The following TENM2 variants were observed in gnomAD, a reference collection of about 807,000 sequenced individuals.
TENM2 encodes teneurin-2.
A neutral mutation model predicts 245.2 loss-of-function variants in TENM2; 52 were observed. The ratio of observed to expected loss-of-function variants is 0.21; its 90% confidence interval spans 0.17 to 0.27. The LOEUF is 0.27. TENM2 is among the 10% of genes least tolerant of loss of function. TENM2 has a pLI of 1.00. For synonymous variants in TENM2, 1,363 were observed against 1,438.9 expected (o/e 0.95, Z 1.19); for missense variants, 3,046 against 3,666.8 (o/e 0.83, Z 4.37).
intron 2 of TENM2, among the ~76,000 whole-genome samples, chr5:167,725,752 T>G (rs532864414): frequency 6.6e-6 from 1 of 152,302 alleles, no homozygotes; most frequent in African/African-American, 2.4e-5. Context: ...GTGCATCTGT[T>G]ACCACTTCCT....
At chr5:167,282,282 T>C (rs1276796054), upstream of TENM2, among the ~76,000 whole-genome samples, 1 of 152,214 alleles carries the variant, frequency 6.6e-6, no homozygotes. Flanking sequence ...TCAGTGTTGG[T>C]ACACAGTCTT....
At chr5:167,905,455 A>G (rs1441574188) in intron 3 of TENM2, among the ~76,000 whole-genome samples, 1 of 152,230 alleles carries the variant, frequency 6.6e-6, no homozygotes, top group Non-Finnish European at 1.5e-5. Context: ...GCACGCTGTC[A>G]GTAGCTGGGC....
the TENM2 span, among the ~76,000 whole-genome samples, chr5:167,219,735 A>G: frequency 6.6e-6 from 1 of 152,226 alleles, no homozygotes; most frequent in Non-Finnish European, 1.5e-5. Flanking sequence ...GCTCATTATA[A>G]AACTAATGCT....
intron 4 of TENM2, among the ~76,000 whole-genome samples, chr5:167,987,977 A>G (rs1456797889): frequency 6.6e-6 from 1 of 152,196 alleles, no homozygotes; most frequent in African/African-American, 2.4e-5. Context: ...GGTGATAACT[A>G]AATGGGTTTC....
chr5:167,770,844 G>C (rs1176547859), intron 2 of TENM2, among the ~76,000 whole-genome samples: 1 of 152,248 alleles, frequency 6.6e-6, no homozygotes, highest in South Asian at 2.1e-4. Context: ...GACTCAGAGG[G>C]GGGCTTAAAA....
At chr5:167,690,335 T>A (rs1230708345) in intron 2 of TENM2, among the ~76,000 whole-genome samples, 1 of 152,112 alleles carries the variant, frequency 6.6e-6, no homozygotes, top group East Asian at 1.9e-4. Flanking sequence ...CAGAAAGATC[T>A]GGTGACTTTT....
At chr5:167,230,758 C>A in the TENM2 span, among the ~76,000 whole-genome samples, 1 of 152,124 alleles carries the variant, frequency 6.6e-6, no homozygotes, top group Admixed American at 6.5e-5. Context: ...GAGTAAGAAT[C>A]TGTTAGAATA....
the TENM2 span, among the ~76,000 whole-genome samples, chr5:167,171,182 A>C: frequency 6.6e-6 from 1 of 151,886 alleles, no homozygotes; most frequent in African/African-American, 2.4e-5. Context: ...ACTCTGTTCC[A>C]GCCACACTAG....
chr5:167,615,307 T>A (rs1777723956), intron 2 of TENM2, among the ~76,000 whole-genome samples: 1 of 152,122 alleles, frequency 6.6e-6, no homozygotes, highest in Admixed American at 6.6e-5. Context: ...TTACCCTTAT[T>A]AAGTCTTGCT....
At chr5:167,664,848 A>G (rs1468830451) in intron 2 of TENM2, among the ~76,000 whole-genome samples, 1 of 152,186 alleles carries the variant, frequency 6.6e-6, no homozygotes, top group Non-Finnish European at 1.5e-5. Context: ...ACTGGGAAAG[A>G]TCTATCATCC....
chr5:167,609,332 T>G (rs1467061493), intron 2 of TENM2, among the ~76,000 whole-genome samples: 8 of 152,002 alleles, frequency 5.3e-5, no homozygotes, highest in Admixed American at 5.2e-4. Context: ...TACTTGGATA[T>G]CCAATCAAAA....
intron 2 of TENM2, among the ~76,000 whole-genome samples, chr5:167,519,250 A>G (rs1368563088): frequency 6.6e-6 from 1 of 152,150 alleles, no homozygotes; most frequent in East Asian, 1.9e-4. Context: ...CAAGACAGAA[A>G]TCATCAATAT....
intron 7 of TENM2, among the ~76,000 whole-genome samples, chr5:168,090,068 G>T (rs566739789): frequency 6.6e-6 from 1 of 152,178 alleles, no homozygotes; most frequent in Non-Finnish European, 1.5e-5. Context: ...GGTAACATGG[G>T]TTCATAATTC....
At position 167,609,754 on chromosome 5, in the gene TENM2, G is replaced by GA. The variant is rs559600230; in HGVS notation, c.502+234288dup. Among the ~76,000 whole-genome samples the GA allele has an allele frequency of 2.4e-3, 359 of 151,942 alleles. 2 individuals carry two copies. Among genetic ancestry groups the GA allele is most frequent in the Non-Finnish European group, 4.4e-3 (298 of 67,962 alleles). ...CCACTTTGGCTCTTTGATGAGATAG[G>GA]AAAAAAACAAACTGTTTTTCCTACT... On this transcript the variant is annotated intron_variant, in intron 2 of 28. Coordinates refer to ENST00000518659, the Ensembl canonical transcript of TENM2.
intron 2 of TENM2, among the ~76,000 whole-genome samples, chr5:167,854,108 A>C (rs914955665): frequency 2.4e-4 from 37 of 152,242 alleles, no homozygotes; most frequent in African/African-American, 8.9e-4. Flanking sequence ...AAAAGCCCTG[A>C]AGATATAGTT....
At chr5:167,877,751 G>A (rs1484038241) in intron 3 of TENM2, among the ~76,000 whole-genome samples, 1 of 152,196 alleles carries the variant, frequency 6.6e-6, no homozygotes, top group Non-Finnish European at 1.5e-5. Context: ...AATCATGTTT[G>A]AGGAAATTCT....
At chr5:167,196,470 G>A in the TENM2 span, among the ~76,000 whole-genome samples, 2 of 146,892 alleles carry the variant, frequency 1.4e-5, no homozygotes, top group African/African-American at 2.6e-5. Context: ...ATATATGTGT[G>A]TATATATATA....
intron 2 of TENM2, among the ~76,000 whole-genome samples, chr5:167,557,723 C>A (rs1475409327): frequency 6.6e-6 from 1 of 151,494 alleles, no homozygotes; most frequent in African/African-American, 2.4e-5. Flanking sequence ...TAGAGACATT[C>A]TTGATTGCCA....
At chr5:167,428,157 G>T (rs1190889015) in intron 2 of TENM2, among the ~76,000 whole-genome samples, 2 of 152,100 alleles carry the variant, frequency 1.3e-5, no homozygotes, top group Admixed American at 6.5e-5. Flanking sequence ...AAGGCAAAAT[G>T]CTATAGATAC....
Sources: gnomAD v4.1 joint callset for allele counts (sites outside exome capture counted in the v4.1 genomes callset) on GRCh38, gnomAD v4.1.1 for gene constraint, MANE v1.5 for transcripts, NCBI Gene and HGNC (gene_info 2026-07-23, HGNC 2026-07-21) for gene names.